MCF2: variants seen among roughly 807,000 people sequenced by gnomAD.
The protein encoded by MCF2 is MCF.2 cell line derived transforming sequence.
In MCF2, 44 loss-of-function variants were observed where a neutral mutation model predicts 82.5. That is an observed-to-expected ratio of 0.53 (90% CI 0.42 to 0.69). The LOEUF (loss-of-function observed/expected upper bound fraction) is 0.69. Ranked by LOEUF, MCF2 falls within the 30% of genes least tolerant of loss-of-function variation. The pLI, the probability that MCF2 is intolerant of heterozygous loss-of-function variation, is 0.00. For missense variants in MCF2, 623 were observed against 663.1 expected, an observed-to-expected ratio of 0.94 and a Z score of 0.66; for synonymous variants, 217 against 224.9, an observed-to-expected ratio of 0.96 and a Z score of 0.32.
At chrX:139,644,193 G>A (rs562168323), upstream of MCF2, among the ~76,000 whole-genome samples, 26 of 112,151 alleles carry the variant, frequency 2.3e-4, no homozygotes, top group African/African-American at 7.8e-4. Context: ...TAAGCCAATT[G>A]GAAAATGATA....
intron 10 of MCF2, 39 bp from the exon 14 acceptor site, chrX:139,613,302 C>T: frequency 1.9e-6 from 2 of 1,031,252 alleles, no homozygotes; most frequent in Non-Finnish European, 2.6e-6. Flanking sequence ...ATAAGAATAT[C>T]AGAAAAAAAT....
At chrX:139,617,792 T>C in intron 7 of MCF2, 88 bp from the exon 11 acceptor site, 1 of 556,918 alleles carries the variant, frequency 1.8e-6, no homozygotes, top group South Asian at 6.9e-5. Context: ...AAGCAAAATG[T>C]TTGAGCAAGA....
At chrX:139,585,273 AT>A in intron 23 of MCF2, 95 bp from the exon 28 acceptor site, 1 of 515,593 alleles carries the variant, frequency 1.9e-6, no homozygotes, top group Non-Finnish European at 3.2e-6. Context: ...AAAAAGTTGA[AT>A]TTAAAAAAAT....
At chrX:139,635,396 C>T (rs1177465462) in intron 1 of MCF2, among the ~76,000 whole-genome samples, 1 of 111,156 alleles carries the variant, frequency 9.0e-6, no homozygotes, top group African/African-American at 3.3e-5. Flanking sequence ...TGGCTCACAC[C>T]TGTAATCCCA....
chrX:139,591,977 A>T (rs1929560642), intron 19 of MCF2, among the ~76,000 whole-genome samples: 1 of 111,242 alleles, frequency 9.0e-6, no homozygotes, highest in Admixed American at 9.6e-5. Flanking sequence ...CTGTGAAACT[A>T]ATAACCCAGA....
chrX:139,591,372 T>A (rs1256479137), intron 19 of MCF2, among the ~76,000 whole-genome samples: 1 of 111,850 alleles, frequency 8.9e-6, no homozygotes, highest in Non-Finnish European at 1.9e-5. Flanking sequence ...GTTATTTTTT[T>A]ATTGCAAACA....
chrX:139,657,209 T>G (rs1218498327), intron 1 of MCF2, among the ~76,000 whole-genome samples: 1 of 112,327 alleles, frequency 8.9e-6, no homozygotes, highest in Non-Finnish European at 1.9e-5. Flanking sequence ...CATTTCCAAT[T>G]AATTCATTCC....
intron 1 of MCF2, among the ~76,000 whole-genome samples, chrX:139,652,878 T>TAA (rs371230484): frequency 0.029 from 3,065 of 106,274 alleles, 112 homozygotes; most frequent in African/African-American, 0.099. Flanking sequence ...TCAAGGGAAT[T>TAA]AAAAAAAAAA....
chrX:139,597,307 A>G (rs1329508870), intron 18 of MCF2, among the ~76,000 whole-genome samples, 153 bp downstream of exon 22: 1 of 111,351 alleles, frequency 9.0e-6, no homozygotes, highest in African/African-American at 3.3e-5. Context: ...TCTGAAGCCA[A>G]TTCTCCACTT....
intron 10 of MCF2, among the ~76,000 whole-genome samples, 153 bp downstream of exon 13, chrX:139,614,728 T>C (rs1281781440): frequency 9.0e-6 from 1 of 111,709 alleles, no homozygotes; most frequent in East Asian, 2.8e-4. Context: ...AACCTCAATC[T>C]GACTCTTGCC....
chrX:139,637,084 CATA>C (rs1449084602), intron 1 of MCF2, among the ~76,000 whole-genome samples: 1 of 111,889 alleles, frequency 8.9e-6, no homozygotes, highest in East Asian at 2.8e-4. Context: ...TTATTGACTA[CATA>C]ATAACATTTA....
At chrX:139,623,115 C>T (rs957700245) in intron 6 of MCF2, among the ~76,000 whole-genome samples, 4 of 111,192 alleles carry the variant, frequency 3.6e-5, no homozygotes, top group Non-Finnish European at 5.7e-5. Context: ...GAGAAGGGAA[C>T]GCTGATACAC....
intron 6 of MCF2, among the ~76,000 whole-genome samples, chrX:139,624,294 A>C (rs1238119790): frequency 9.0e-6 from 1 of 111,213 alleles, no homozygotes; most frequent in African/African-American, 3.3e-5. Flanking sequence ...GAATCCCAGC[A>C]CTTTGGGAGG....
At chrX:139,636,177 C>G (rs1213290125) in intron 1 of MCF2, among the ~76,000 whole-genome samples, 1 of 111,182 alleles carries the variant, frequency 9.0e-6, no homozygotes, top group Non-Finnish European at 1.9e-5. Context: ...AGGGAAGAAT[C>G]TGACAGGGAC....
At chrX:139,707,618 G>A (rs1012423795) in intron 1 of MCF2, among the ~76,000 whole-genome samples, 1 of 111,784 alleles carries the variant, frequency 8.9e-6, no homozygotes. Context: ...CCAACCATAT[G>A]CAAGTTCACA....
At position 139,582,346 on chromosome X, in the gene MCF2, C is replaced by T. The variant is rs767567592; in HGVS notation, c.*125G>A. 2.1e-5 allele frequency: 14 copies of T among 658,084 alleles called. No homozygotes were observed. The South Asian group carries it at 2.6e-4, about 12-fold the overall frequency. 54.2% of individuals were successfully genotyped at this position (658,084 alleles called of 1,213,427 possible). On this transcript the variant is annotated 3_prime_UTR_variant, in exon 25 of 25. Transcript: ENST00000370576. ...AGAAGTATGTGCTGTGGTTTCTTTG[C>T]GTGTCCATTAACCTGAAAACAACAT... is the stretch of plus-strand genomic sequence containing the variant.
chrX:139,603,324 T>G (rs1448830654), intron 15 of MCF2, among the ~76,000 whole-genome samples: 1 of 112,165 alleles, frequency 8.9e-6, no homozygotes, highest in Non-Finnish European at 1.9e-5. Flanking sequence ...CAATGAGAGA[T>G]ACAACAATAT....
At chrX:139,625,435 T>C (rs1205658325) in intron 6 of MCF2, among the ~76,000 whole-genome samples, 1 of 111,378 alleles carries the variant, frequency 9.0e-6, no homozygotes, top group Admixed American at 9.6e-5. Flanking sequence ...AAAACGCTAG[T>C]GGTAACTGAG....
chrX:139,692,187 AC>A (rs1452478596), intron 1 of MCF2: 44 of 945,314 alleles, frequency 4.7e-5, no homozygotes, highest in Non-Finnish European at 1.5e-6. Flanking sequence ...TGCCATCCTC[AC>A]GCTGGAGAGC....
Sources: allele counts gnomAD v4.1 joint callset (sites outside exome capture counted in the v4.1 genomes callset), GRCh38; gene constraint gnomAD v4.1.1; transcripts MANE v1.5; gene names NCBI Gene and HGNC (gene_info 2026-07-23, HGNC 2026-07-21).